SORCS3: variants seen among roughly 807,000 people sequenced by gnomAD.
SORCS3 encodes the protein VPS10 domain-containing receptor SorCS3.
Under a neutral mutation model 146.3 loss-of-function variants are expected in SORCS3, and 57 were observed. That is an observed-to-expected ratio of 0.39 (90% CI 0.31 to 0.49). The LOEUF (loss-of-function observed/expected upper bound fraction) is 0.49, where lower values mean the gene tolerates loss of function less well. Among genes scored for constraint, SORCS3 ranks in the 20% least tolerant of loss-of-function variants. The pLI is 0.92. For synonymous variants in SORCS3, 653 were observed against 618.5 expected (o/e 1.06, Z -0.83); for missense variants, 1,341 against 1,575.5 (o/e 0.85, Z 2.52).
chr10:104,747,503 C>T (rs557080124), intron 1 of SORCS3, among the ~76,000 whole-genome samples: 22 of 152,238 alleles, frequency 1.4e-4, no homozygotes, highest in East Asian at 1.2e-3. Flanking sequence ...ACTTCCAATA[C>T]GCTGAGAAAT....
chr10:105,226,322 T>G (rs1017931288), intron 20 of SORCS3, among the ~76,000 whole-genome samples: 3 of 152,088 alleles, frequency 2.0e-5, no homozygotes, highest in Non-Finnish European at 2.9e-5. Flanking sequence ...TCATATGTTT[T>G]TTGTCATTCA....
intron 10 of SORCS3, 48 bp from the exon 11 acceptor site, chr10:105,158,844 A>G (rs200031634): frequency 1.4e-6 from 2 of 1,422,172 alleles, no homozygotes; most frequent in Non-Finnish European, 2.0e-6. Flanking sequence ...GCAGGGGTAC[A>G]GGTGTCTGGA....
intron 7 of SORCS3, among the ~76,000 whole-genome samples, chr10:105,107,369 C>T (rs1051341491): frequency 4.1e-5 from 6 of 147,446 alleles, no homozygotes; most frequent in Admixed American, 2.0e-4. Context: ...ATTTACCAGT[C>T]GGATTTCCCT....
intron 15 of SORCS3, among the ~76,000 whole-genome samples, chr10:105,200,516 A>C (rs2056568539): frequency 6.6e-6 from 1 of 152,152 alleles, no homozygotes; most frequent in Non-Finnish European, 1.5e-5. Context: ...GAGCACTGGG[A>C]ACAGGTCCAC....
At chr10:104,810,927 T>G (rs558212518) in intron 1 of SORCS3, among the ~76,000 whole-genome samples, 2 of 152,312 alleles carry the variant, frequency 1.3e-5, no homozygotes, top group South Asian at 4.1e-4. Context: ...GACAGATGGT[T>G]ACACAATATC....
intron 14 of SORCS3, among the ~76,000 whole-genome samples, chr10:105,185,887 T>C (rs767952100): frequency 6.6e-6 from 1 of 152,232 alleles, no homozygotes; most frequent in Non-Finnish European, 1.5e-5. Context: ...AAATGTCTAA[T>C]TTATAAAAAT....
chr10:105,139,779 C>T (rs570281416), intron 8 of SORCS3, among the ~76,000 whole-genome samples: 2 of 152,230 alleles, frequency 1.3e-5, no homozygotes, highest in South Asian at 4.1e-4. Flanking sequence ...TTGGAATCTC[C>T]TCTGAGGGGC....
intron 1 of SORCS3, among the ~76,000 whole-genome samples, chr10:104,728,027 CTATCT>C (rs1219414111): frequency 1.2e-5 from 1 of 85,498 alleles, no homozygotes; most frequent in East Asian, 2.7e-4. Flanking sequence ...ACAGTTCTAT[CTATCT>C]ATCTATCTAT....
intron 5 of SORCS3, among the ~76,000 whole-genome samples, chr10:105,073,426 G>T (rs563917662): frequency 6.6e-6 from 1 of 152,270 alleles, no homozygotes; most frequent in South Asian, 2.1e-4. Flanking sequence ...ACACGTAGAG[G>T]ATCTAACTGA....
intron 6 of SORCS3, among the ~76,000 whole-genome samples, chr10:105,100,309 T>C (rs1194774075): frequency 6.6e-6 from 1 of 152,228 alleles, no homozygotes; most frequent in Non-Finnish European, 1.5e-5. Flanking sequence ...ATTTAGGAAA[T>C]CACTCTCTAG....
In SORCS3 at chr10:105,214,621, C is replaced by T; in HGVS notation, c.2547+8C>T. On this transcript the variant is annotated splice_region_variant and intron_variant, in intron 18 of 26. Coordinates refer to ENST00000369701, the MANE Select transcript of SORCS3 (RefSeq NM_014978.3). ...ATCATCCTCATGGAGGAGGTAGGTG[C>T]TCAACTGGGTCTCTGAGGTCAGAAC... 6.4e-7 allele frequency: 1 copy of T among 1,557,738 alleles called. No homozygotes were observed. The highest frequency in any genetic ancestry group is 8.7e-7 in the Non-Finnish European group (1 of 1,152,694).
At chr10:104,806,045 G>T (rs1007077977) in intron 1 of SORCS3, among the ~76,000 whole-genome samples, 2 of 152,280 alleles carry the variant, frequency 1.3e-5, no homozygotes, top group South Asian at 2.1e-4. Flanking sequence ...ATATTTGGGG[G>T]TTAATATTTT....
chr10:105,075,453 C>G (rs2055582820), intron 5 of SORCS3, among the ~76,000 whole-genome samples: 1 of 152,118 alleles, frequency 6.6e-6, no homozygotes, highest in African/African-American at 2.4e-5. Context: ...TGCCCATGCC[C>G]TCCCTGTTCC....
intron 1 of SORCS3, among the ~76,000 whole-genome samples, chr10:104,677,311 C>T (rs1019883785): frequency 3.3e-5 from 5 of 152,156 alleles, no homozygotes; most frequent in African/African-American, 9.7e-5. Context: ...TTCTCTTTTG[C>T]AAAGTCTATC....
At chr10:104,675,826 A>T (rs2015906891) in intron 1 of SORCS3, among the ~76,000 whole-genome samples, 1 of 151,918 alleles carries the variant, frequency 6.6e-6, no homozygotes, top group African/African-American at 2.4e-5. Flanking sequence ...TTCCTTCATA[A>T]TTGTCTTGGC....
chr10:104,760,874 A>G (rs1032692089), intron 1 of SORCS3, among the ~76,000 whole-genome samples: 1 of 152,026 alleles, frequency 6.6e-6, no homozygotes, highest in Non-Finnish European at 1.5e-5. Context: ...GCTCTTAACA[A>G]TGAGGATTCT....
At chr10:105,247,726 T>C (rs1482972895) in intron 22 of SORCS3, among the ~76,000 whole-genome samples, 5 of 149,468 alleles carry the variant, frequency 3.3e-5, no homozygotes, top group African/African-American at 1.2e-4. Context: ...CCAGCCTGAG[T>C]GACAGAGCAA....
rs1256987259 is a variant in SORCS3 at position 105,242,840 on chromosome 10, ATTTT to A, written c.2869-2700_2869-2697del. Among the ~76,000 whole-genome samples the A allele has an allele frequency of 1.0e-4, 10 of 98,174 alleles. No homozygotes were observed. In the East Asian group the frequency reaches 2.2e-3, roughly 21 times the overall value. The allele number at this position is 98,174 out of a possible 152,430, so 64.4% of individuals were successfully genotyped here. On this transcript the variant is annotated intron_variant, in intron 20 of 26. Coordinates refer to ENST00000369701, the MANE Select transcript of SORCS3 (RefSeq NM_014978.3). Reference sequence around the variant, plus strand: ...ATTTTTATATATAAATTATATATATATTTTTATATATAAATTATATATATATTTT... The same window carrying A: ...ATTTTTATATATAAATTATATATATATATATATAAATTATATATATATTTT...
intron 13 of SORCS3, among the ~76,000 whole-genome samples, chr10:105,168,760 C>A (rs1269056793): frequency 1.3e-5 from 2 of 152,112 alleles, no homozygotes; most frequent in East Asian, 3.9e-4. Flanking sequence ...ATTTTTAGGT[C>A]AAAAATGATC....
Sources: allele counts gnomAD v4.1 joint callset (sites outside exome capture counted in the v4.1 genomes callset), GRCh38; gene constraint gnomAD v4.1.1; transcripts MANE v1.5; gene names NCBI Gene and HGNC (gene_info 2026-07-23, HGNC 2026-07-21).